The following DMXL2 variants were observed in gnomAD, a reference collection of about 807,000 sequenced individuals.
The protein encoded by DMXL2 is Dmx like 2, also known as dmX-like protein 2.
Under a neutral mutation model 331.1 loss-of-function variants are expected in DMXL2, and 103 were observed. The observed-to-expected ratio is 0.31, with a 90% CI of 0.27 to 0.37. DMXL2 has a LOEUF of 0.37. Among genes scored for constraint, DMXL2 ranks in the 10% least tolerant of loss-of-function variants. The pLI is 1.00. For synonymous variants in DMXL2, 1,281 were observed against 1,252.1 expected (o/e 1.02, Z -0.49); for missense variants, 3,171 against 3,642.9 (o/e 0.87, Z 3.33).
intron 1 of DMXL2, among the ~76,000 whole-genome samples, chr15:51,583,104 TTC>T (rs1225676876): frequency 1.2e-4 from 7 of 58,564 alleles, no homozygotes; most frequent in Admixed American, 2.2e-4. Flanking sequence ...TACTTCATTC[TTC>T]TTTTTTTTTT....
chr15:51,597,812 GAGTA>G (rs2052936426), intron 1 of DMXL2, among the ~76,000 whole-genome samples: 1 of 152,198 alleles, frequency 6.6e-6, no homozygotes, highest in Non-Finnish European at 1.5e-5. Flanking sequence ...ATACATGTGA[GAGTA>G]AGTAATTTTG....
chr15:51,548,395 T>C (rs751374738), intron 6 of DMXL2, among the ~76,000 whole-genome samples: 4 of 152,128 alleles, frequency 2.6e-5, no homozygotes, highest in Non-Finnish European at 4.4e-5. Flanking sequence ...AAAATTTCCA[T>C]TAATGTCTCT....
intron 6 of DMXL2, among the ~76,000 whole-genome samples, chr15:51,549,324 G>GTA (rs143392747): frequency 0.51 from 77,474 of 151,228 alleles, 19,946 homozygotes; most frequent in African/African-American, 0.52. Flanking sequence ...TCCATGGTGT[G>GTA]TATATATATA....
intron 3 of DMXL2, among the ~76,000 whole-genome samples, chr15:51,566,844 G>A (rs2050319742): frequency 6.6e-6 from 1 of 152,032 alleles, no homozygotes. Context: ...CATGCAGGAT[G>A]TTTTAAAGGG....
chr15:51,449,547 T>C (rs769376365), intron 43 of DMXL2, among the ~76,000 whole-genome samples: 2 of 152,212 alleles, frequency 1.3e-5, no homozygotes, highest in African/African-American at 2.4e-5. Flanking sequence ...CTACTTACGA[T>C]GGTTTGACAA....
rs1567008343 is a variant in DMXL2, at chr15:51,481,035, T to C, written c.6071A>G (p.Gln2024Arg). ...ASDPNMLLTP[Q>R]EEDDPEGDTE... is the part of the protein sequence containing the mutation. The stretch of plus-strand genomic sequence containing the variant: ...ATCACCTTCAGGATCATCCTCTTCC[T>C]GAGGTGTTAATAACATGTTAGGGTC... Residue 2024 changes from glutamine (Q) to arginine (R), a missense_variant, in exon 24 of 44, where the codon CAG (glutamine) becomes CGG (arginine). Physicochemically the swap from Gln to Arg is conservative, Grantham distance 43. Around this residue, in one of 7 missense-constraint regions of DMXL2, gnomAD observed 244 missense variants for 251.4 expected, o/e 0.97. Transcript: ENST00000560891. 2 of 1,614,164 alleles carry C rather than the reference T, an allele frequency of 1.2e-6. No homozygotes were observed. The highest frequency in any genetic ancestry group is 1.1e-5 in the South Asian group (1 of 91,086).
chr15:51,530,205 A>G (rs1305417895), intron 13 of DMXL2, among the ~76,000 whole-genome samples: 2 of 151,868 alleles, frequency 1.3e-5, no homozygotes, highest in Non-Finnish European at 2.9e-5. Context: ...ACTGTTATTC[A>G]ACGTAGTACG....
intron 9 of DMXL2, among the ~76,000 whole-genome samples, chr15:51,539,211 A>C (rs1347001951): frequency 7.1e-6 from 1 of 141,634 alleles, no homozygotes; most frequent in African/African-American, 2.6e-5. Context: ...CTCCGTTTCC[A>C]AAAAAAAAAA....
intron 1 of DMXL2, among the ~76,000 whole-genome samples, chr15:51,598,366 C>T (rs1015899946): frequency 6.6e-6 from 1 of 151,916 alleles, no homozygotes; most frequent in African/African-American, 2.4e-5. Context: ...CTTTTTATTC[C>T]TTAATACTTT....
intron 1 of DMXL2, among the ~76,000 whole-genome samples, chr15:51,612,572 G>C (rs1328877915): frequency 1.3e-5 from 2 of 152,190 alleles, no homozygotes; most frequent in East Asian, 3.8e-4. Context: ...GTTTTTATTA[G>C]TGATTTTCAA....
chr15:51,461,006 C>T (rs1057103229), intron 33 of DMXL2, among the ~76,000 whole-genome samples: 9 of 152,280 alleles, frequency 5.9e-5, no homozygotes, highest in Non-Finnish European at 1.2e-4. Flanking sequence ...TATGCAGATA[C>T]AGATTTCCAT....
intron 18 of DMXL2, among the ~76,000 whole-genome samples, chr15:51,497,955 G>A (rs2043300099): frequency 1.3e-5 from 2 of 152,158 alleles, no homozygotes; most frequent in Admixed American, 6.6e-5. Flanking sequence ...GACTTGGCCA[G>A]TCCATGGTGA....
intron 19 of DMXL2, among the ~76,000 whole-genome samples, chr15:51,492,823 C>T (rs2042903386): frequency 6.6e-6 from 1 of 152,208 alleles, no homozygotes; most frequent in African/African-American, 2.4e-5. Flanking sequence ...CACATTACAA[C>T]ATAGGCCTCT....
chr15:51,592,313 A>T (rs2052427700), intron 1 of DMXL2, among the ~76,000 whole-genome samples: 1 of 152,236 alleles, frequency 6.6e-6, no homozygotes, highest in Non-Finnish European at 1.5e-5. Context: ...AAGAAAGGGT[A>T]TCAGTGATGG....
At chr15:51,595,695 C>T in intron 1 of DMXL2, among the ~76,000 whole-genome samples, 1 of 152,184 alleles carries the variant, frequency 6.6e-6, no homozygotes, top group Non-Finnish European at 1.5e-5. Context: ...GTAACCAAAA[C>T]AGTATGGTAC....
At chr15:51,465,462 C>CTATT in intron 31 of DMXL2, 104 bp downstream of exon 31, 1 of 824,412 alleles carries the variant, frequency 1.2e-6, no homozygotes, top group East Asian at 2.6e-5. Context: ...ATCTAATGCA[C>CTATT]TATTTTTTAA....
At chr15:51,455,989 G>A (rs1440459504) in intron 39 of DMXL2, 77 bp downstream of exon 39, 4 of 1,523,608 alleles carry the variant, frequency 2.6e-6, no homozygotes, top group African/African-American at 1.4e-5. Flanking sequence ...TTCATTTTTC[G>A]ATGCACTTTT....
intron 1 of DMXL2, among the ~76,000 whole-genome samples, chr15:51,613,596 T>A (rs538684295): frequency 6.6e-6 from 1 of 152,254 alleles, no homozygotes; most frequent in Non-Finnish European, 1.5e-5. Flanking sequence ...TCAGTTTTAC[T>A]TTCTATATTT....
chr15:51,616,411 C>A (rs1719112326), intron 1 of DMXL2, among the ~76,000 whole-genome samples: 1 of 152,074 alleles, frequency 6.6e-6, no homozygotes, highest in African/African-American at 2.4e-5. Flanking sequence ...GAAGTGCAGG[C>A]AACTGGTTTC....
Sources: gnomAD v4.1 joint callset for allele counts (sites outside exome capture counted in the v4.1 genomes callset) on GRCh38, gnomAD v4.1.1 for gene constraint, gnomAD v4.1.1 regional missense constraint, MANE v1.5 for transcripts, NCBI Gene and HGNC (gene_info 2026-07-23, HGNC 2026-07-21) for gene names.